NSDHL: variants seen among roughly 807,000 people sequenced by gnomAD.
The protein encoded by NSDHL is sterol-4-alpha-carboxylate 3-dehydrogenase, decarboxylating.
In NSDHL, 1 loss-of-function variant was observed where a neutral mutation model predicts 23.0. The observed-to-expected ratio is 0.04, with a 90% CI of 0.02 to 0.21. The LOEUF (loss-of-function observed/expected upper bound fraction) is 0.21. Among genes scored for constraint, NSDHL ranks in the 10% least tolerant of loss-of-function variants. The pLI, the probability that NSDHL is intolerant of heterozygous loss-of-function variation, is 1.00. For missense variants in NSDHL, 237 were observed against 300.9 expected, an observed-to-expected ratio of 0.79 and a Z score of 1.57; for synonymous variants, 128 against 121.1, an observed-to-expected ratio of 1.06 and a Z score of -0.37.
chrX:152,859,283 C>T (rs1353560057), intron 4 of NSDHL, among the ~76,000 whole-genome samples: 1 of 111,942 alleles, frequency 8.9e-6, no homozygotes, highest in Non-Finnish European at 1.9e-5. Context: ...GCATTAAGTA[C>T]ACTCACAATG....
chrX:152,853,064 A>C (rs899346298), intron 3 of NSDHL, among the ~76,000 whole-genome samples: 1 of 108,864 alleles, frequency 9.2e-6, no homozygotes, highest in African/African-American at 3.4e-5. Context: ...CTCATGGATT[A>C]ATTACTGTCT....
Position 152,862,020 on chromosome X carries a change from T to C in NSDHL, c.415-576T>C, listed in dbSNP as rs999123090. Among the ~76,000 whole-genome samples the C allele has an allele frequency of 2.7e-5, 3 of 112,636 alleles. No homozygotes were observed. The South Asian group carries it at 1.1e-3, about 41-fold the overall frequency. ...ATGTTGAATAAGAATGGGAACGATATGATTCATGCTAATGGTGTTCAGTGT... is the reference window on the plus strand; with the variant it reads ...ATGTTGAATAAGAATGGGAACGATACGATTCATGCTAATGGTGTTCAGTGT... On this transcript the variant is annotated intron_variant, in intron 4 of 7. Transcript: ENST00000370274.
rs1933008002 is a variant in NSDHL at position 152,831,113 on chromosome X, G to A, written c.-48G>A. The A allele has an allele frequency of 3.3e-6, 1 of 302,327 alleles. No individual in the cohort carries two copies. The highest frequency in any genetic ancestry group is 2.7e-5 in the African/African-American group (1 of 36,387). 24.9% of individuals were successfully genotyped at this position (302,327 alleles called of 1,213,427 possible). A position where few individuals can be genotyped will look rare whatever the true frequency, so the allele number is the denominator to read the frequency against. Reference sequence around the variant, plus strand: ...GAGGCCAGACAGGGGGGCGCCTACGGACGGGTAAGAGTCGTGGCCTTGCCA... The same window carrying A: ...GAGGCCAGACAGGGGGGCGCCTACGAACGGGTAAGAGTCGTGGCCTTGCCA... On this transcript the variant is annotated 5_prime_UTR_variant, in exon 1 of 8. Coordinates refer to ENST00000370274, the MANE Select transcript of NSDHL (RefSeq NM_015922.3).
chrX:152,831,335 G>A (rs1469894763), intron 1 of NSDHL, among the ~76,000 whole-genome samples: 1 of 111,820 alleles, frequency 8.9e-6, no homozygotes, highest in Non-Finnish European at 1.9e-5. Flanking sequence ...AGAGGGGAAG[G>A]GGTGTGCTGA....
chrX:152,849,052 A>G (rs951832071), intron 2 of NSDHL, among the ~76,000 whole-genome samples: 2 of 111,871 alleles, frequency 1.8e-5, no homozygotes, highest in African/African-American at 6.5e-5. Flanking sequence ...AGATGAAGGT[A>G]AAGTACAGTG....
chrX:152,867,228 C>T (rs782390971), intron 6 of NSDHL, among the ~76,000 whole-genome samples: 2 of 111,743 alleles, frequency 1.8e-5, no homozygotes, highest in Non-Finnish European at 3.8e-5. Flanking sequence ...GGTCAATAAA[C>T]GGAGGACCAG....
chrX:152,861,864 C>G (rs2125014014), intron 4 of NSDHL, among the ~76,000 whole-genome samples: 1 of 112,279 alleles, frequency 8.9e-6, no homozygotes, highest in African/African-American at 3.2e-5. Context: ...CTAATATTTT[C>G]TACATATTTG....
intron 5 of NSDHL, 43 bp from the exon 6 acceptor site, chrX:152,865,776 A>G (rs1933597012): frequency 8.3e-7 from 1 of 1,208,471 alleles, no homozygotes; most frequent in Admixed American, 2.2e-5. Context: ...GCTTGGGCCT[A>G]GGAATTTGCA....
intron 1 of NSDHL, among the ~76,000 whole-genome samples, chrX:152,832,743 TC>T (rs369038115): frequency 1.6e-4 from 18 of 112,211 alleles, no homozygotes; most frequent in Middle Eastern, 4.2e-3. Context: ...CTTGGGCAAG[TC>T]GCTTAACCTC....
chrX:152,860,588 C>T (rs1933510658), intron 4 of NSDHL, among the ~76,000 whole-genome samples: 2 of 111,268 alleles, frequency 1.8e-5, no homozygotes, highest in Non-Finnish European at 3.8e-5. Flanking sequence ...TGGTATGCAC[C>T]TGTAGCCTCA....
At chrX:152,831,892 A>T (rs1214016753) in intron 1 of NSDHL, among the ~76,000 whole-genome samples, 1 of 111,290 alleles carries the variant, frequency 9.0e-6, no homozygotes, top group East Asian at 2.8e-4. Flanking sequence ...TCTCAGACAG[A>T]GAAAGGCCCG....
intron 3 of NSDHL, among the ~76,000 whole-genome samples, chrX:152,857,200 C>G (rs1209539400): frequency 1.8e-5 from 2 of 112,492 alleles, no homozygotes; most frequent in Admixed American, 9.4e-5. Flanking sequence ...CCATTTTATA[C>G]CCAGTACATT....
chrX:152,852,496 C>T (rs1933372852), intron 3 of NSDHL, among the ~76,000 whole-genome samples: 2 of 93,205 alleles, frequency 2.1e-5, no homozygotes, highest in Admixed American at 1.3e-4. Context: ...ATGTCAACCA[C>T]AGCTACAAAA....
Position 152,846,436 on chromosome X carries a change from A to G in NSDHL, c.108+4A>G, listed in dbSNP as rs1556845600. The G allele has an allele frequency of 1.7e-6, 2 of 1,152,245 alleles. No individual in the cohort carries two copies. The highest frequency in any genetic ancestry group is 3.0e-5 in the East Asian group (1 of 33,656). The allele number at this position is 1,152,245 out of a possible 1,213,427, so 95.0% of individuals were successfully genotyped here. ...AGAAAAGGTTAACCAGAATCAGGTA[A>G]GGAGAAAGTTGACACGTACATACCA... On this transcript the variant is annotated splice_donor_region_variant and intron_variant, in intron 2 of 7. Coordinates refer to ENST00000370274, the MANE Select transcript of NSDHL (RefSeq NM_015922.3).
At chrX:152,832,893 C>A (rs1412953454) in intron 1 of NSDHL, among the ~76,000 whole-genome samples, 5 of 111,196 alleles carry the variant, frequency 4.5e-5, no homozygotes, top group African/African-American at 1.6e-4. Context: ...TACAGTTGAC[C>A]CCTGAACAAC....
intron 4 of NSDHL, 111 bp from the exon 5 acceptor site, chrX:152,862,485 C>G (rs1933543617): frequency 2.8e-6 from 2 of 723,717 alleles, no homozygotes; most frequent in South Asian, 4.4e-5. Flanking sequence ...TTCAGTGCCT[C>G]GAATGCGAGG....
At chrX:152,866,866 C>T (rs1411160392) in intron 6 of NSDHL, among the ~76,000 whole-genome samples, 1 of 112,087 alleles carries the variant, frequency 8.9e-6, no homozygotes, top group Admixed American at 9.4e-5. Flanking sequence ...CTGTTCAATC[C>T]AGTGTACCCT....
chrX:152,840,873 T>C (rs1933180302), intron 1 of NSDHL, among the ~76,000 whole-genome samples: 1 of 113,217 alleles, frequency 8.8e-6, no homozygotes, highest in Non-Finnish European at 1.9e-5. Flanking sequence ...TCTGCCAAAG[T>C]TTCTGCTGCC....
At chrX:152,835,122 C>T (rs782803766) in intron 1 of NSDHL, among the ~76,000 whole-genome samples, 3 of 111,491 alleles carry the variant, frequency 2.7e-5, no homozygotes, top group South Asian at 3.8e-4. Flanking sequence ...TCTCTCTTCT[C>T]GCTTCACATG....
Sources: gnomAD v4.1 joint callset for allele counts (sites outside exome capture counted in the v4.1 genomes callset) on GRCh38, gnomAD v4.1.1 for gene constraint, MANE v1.5 for transcripts, NCBI Gene and HGNC (gene_info 2026-07-23, HGNC 2026-07-21) for gene names.